The following UIMC1 variants were observed in gnomAD, a reference collection of about 807,000 sequenced individuals.
The protein encoded by UIMC1 is BRCA1-A complex subunit RAP80.
Under a neutral mutation model 84.9 loss-of-function variants are expected in UIMC1, and 42 were observed. That is an observed-to-expected ratio of 0.49 (90% CI 0.39 to 0.64). The LOEUF (loss-of-function observed/expected upper bound fraction) is 0.64. Among genes scored for constraint, UIMC1 ranks in the 30% least tolerant of loss-of-function variants. The probability of loss-of-function intolerance (pLI) is 0.00; values close to 1 mark genes in which losing one functional copy is unlikely to be tolerated. For synonymous variants in UIMC1, 281 were observed against 293.0 expected, an observed-to-expected ratio of 0.96 and a Z score of 0.42; for missense variants, 825 against 847.6, an observed-to-expected ratio of 0.97 and a Z score of 0.33.
chr5:176,984,430 G>A (rs1175877259), intron 1 of UIMC1, among the ~76,000 whole-genome samples: 1 of 148,992 alleles, frequency 6.7e-6, no homozygotes, highest in Non-Finnish European at 1.5e-5. Flanking sequence ...TGGGAAGTGG[G>A]GAGCGCCTCT....
At chr5:176,988,972 T>TGCC (rs1196474077) in intron 1 of UIMC1, among the ~76,000 whole-genome samples, 2 of 152,064 alleles carry the variant, frequency 1.3e-5, no homozygotes, top group African/African-American at 4.8e-5. Flanking sequence ...TAAGCCACCG[T>TGCC]GCCCAGCCTG....
chr5:176,931,541 G>A (rs755531235), intron 10 of UIMC1, among the ~76,000 whole-genome samples: 1 of 152,166 alleles, frequency 6.6e-6, no homozygotes, highest in Non-Finnish European at 1.5e-5. Context: ...GGAACAAGAT[G>A]GGAAGTGTAA....
chr5:177,001,380 T>C (rs1224177268), intron 1 of UIMC1: 1 of 152,068 alleles, frequency 6.6e-6, no homozygotes, highest in Non-Finnish European at 1.5e-5. Flanking sequence ...GAATAACTAG[T>C]GAAAGAAATC....
intron 2 of UIMC1, among the ~76,000 whole-genome samples, chr5:176,976,898 G>A (rs1483973865): frequency 6.6e-6 from 1 of 152,142 alleles, no homozygotes; most frequent in African/African-American, 2.4e-5. Context: ...GGCTGACGAG[G>A]GCAGTGGCCA....
rs189579177 is a variant in UIMC1 at position 176,907,255 on chromosome 5, G to A, written c.1849-78C>T. 146 of 1,365,060 alleles carry A rather than the reference G, an allele frequency of 1.1e-4. 1 individual carries two copies. In the East Asian group the frequency reaches 1.3e-3, roughly 12 times the overall value. The allele number at this position is 1,365,060 out of a possible 1,614,324, so 84.6% of individuals were successfully genotyped here. A position where few individuals can be genotyped will look rare whatever the true frequency, so the allele number is the denominator to read the frequency against. ...ACAACTTCCACAGCCCAGATCACAC[G>A]TGTTCATAGAAGAGAAAAGGTGTGG... On this transcript the variant is annotated intron_variant, in intron 12 of 14. Coordinates refer to ENST00000511320, the MANE Select transcript of UIMC1 (RefSeq NM_001199298.2).
At chr5:176,941,912 C>T (rs535464731) in intron 10 of UIMC1, among the ~76,000 whole-genome samples, 4 of 152,076 alleles carry the variant, frequency 2.6e-5, no homozygotes, top group South Asian at 2.1e-4. Flanking sequence ...GGCACGATCT[C>T]GGCTCATTAC....
intron 1 of UIMC1, among the ~76,000 whole-genome samples, chr5:176,998,218 T>C (rs1354376196): frequency 6.6e-6 from 1 of 151,888 alleles, no homozygotes; most frequent in Non-Finnish European, 1.5e-5. Flanking sequence ...GGTTCACCCC[T>C]GTAATCCCAG....
chr5:176,976,080 C>T (rs1770011699), intron 2 of UIMC1, among the ~76,000 whole-genome samples: 1 of 152,160 alleles, frequency 6.6e-6, no homozygotes. Context: ...GGGAGAATCG[C>T]TTGAGGCCAG....
chr5:176,970,451 C>G, intron 4 of UIMC1: 1 of 413,622 alleles, frequency 2.4e-6, no homozygotes, highest in Non-Finnish European at 4.5e-6. Context: ...CCTTCTGGTT[C>G]TTGGTATTCA....
chr5:176,957,960 C>T (rs1766816650), intron 7 of UIMC1, 133 bp downstream of exon 7: 1 of 629,370 alleles, frequency 1.6e-6, no homozygotes, highest in Non-Finnish European at 2.6e-6. Context: ...AATAAAATTT[C>T]TCCTAGTCTT....
At chr5:176,909,804 A>C (rs534505616) in intron 11 of UIMC1, among the ~76,000 whole-genome samples, 3 of 152,340 alleles carry the variant, frequency 2.0e-5, no homozygotes, top group Non-Finnish European at 2.9e-5. Context: ...TCCCTACTAC[A>C]TGAGAGACAG....
chr5:176,936,835 C>T (rs575658968), intron 10 of UIMC1, among the ~76,000 whole-genome samples: 82 of 152,260 alleles, frequency 5.4e-4, no homozygotes, highest in African/African-American at 1.8e-3. Context: ...ATATTGCTAC[C>T]TCCTGAGACC....
intron 1 of UIMC1, among the ~76,000 whole-genome samples, chr5:176,987,819 G>T (rs1047444682): frequency 7.9e-5 from 12 of 151,254 alleles, no homozygotes; most frequent in African/African-American, 2.9e-4. Context: ...GCAAGACCCT[G>T]TCTCACAAAA....
At chr5:176,988,231 A>G (rs1452274084) in intron 1 of UIMC1, among the ~76,000 whole-genome samples, 1 of 151,602 alleles carries the variant, frequency 6.6e-6, no homozygotes, top group African/African-American at 2.4e-5. Flanking sequence ...ATGGCTGGCT[A>G]TTTTTTAAAT....
intron 1 of UIMC1, among the ~76,000 whole-genome samples, chr5:176,991,831 C>A (rs1436874302): frequency 6.6e-6 from 1 of 151,892 alleles, no homozygotes; most frequent in African/African-American, 2.4e-5. Context: ...ACTCGGGAGG[C>A]TGAGGCAGGA....
At chr5:176,927,053 G>A (rs1762459570) in intron 10 of UIMC1, among the ~76,000 whole-genome samples, 1 of 152,118 alleles carries the variant, frequency 6.6e-6, no homozygotes, top group African/African-American at 2.4e-5. Context: ...AGTAATAGCA[G>A]TCACTGTTAT....
chr5:176,907,289 G>A (rs1759517877), intron 12 of UIMC1, 112 bp from the exon 13 acceptor site: 3 of 1,010,560 alleles, frequency 3.0e-6, no homozygotes, highest in African/African-American at 1.6e-5. Context: ...GGGGGCCACA[G>A]CTCTAGGGAA....
intron 10 of UIMC1, among the ~76,000 whole-genome samples, chr5:176,938,100 G>C (rs991246719): frequency 4.0e-5 from 6 of 149,780 alleles, no homozygotes; most frequent in Middle Eastern, 3.2e-3. Context: ...TGAGGCAGAA[G>C]GATCACTTGA....
intron 1 of UIMC1, among the ~76,000 whole-genome samples, chr5:177,021,883 T>C (rs902072712): frequency 3.3e-5 from 5 of 152,122 alleles, no homozygotes; most frequent in African/African-American, 1.2e-4. Flanking sequence ...ACTCCGGACC[T>C]CAGGTGATCC....
Sources: allele counts gnomAD v4.1 joint callset (sites outside exome capture counted in the v4.1 genomes callset), GRCh38; gene constraint gnomAD v4.1.1; transcripts MANE v1.5; gene names NCBI Gene and HGNC (gene_info 2026-07-23, HGNC 2026-07-21).